Variants in RRAS2 observed in about 807,000 individuals in gnomAD.
RRAS2 encodes the protein RAS related 2, also known as ras-related protein R-Ras2.
RRAS2 carries 7 observed loss-of-function variants against 27.6 expected under a neutral mutation model. The ratio of observed to expected loss-of-function variants is 0.25; its 90% CI spans 0.14 to 0.48. The LOEUF (loss-of-function observed/expected upper bound fraction) is 0.48, where lower values mean the gene tolerates loss of function less well. Among genes scored for constraint, RRAS2 ranks in the 20% least tolerant of loss-of-function variants. RRAS2 has a pLI of 0.99. For synonymous variants in RRAS2, 86 were observed against 90.9 expected (o/e 0.95, Z 0.31); for missense variants, 178 against 256.2 (o/e 0.69, Z 2.08).
At chr11:14,317,889 C>T (rs1258736046) in intron 1 of RRAS2, among the ~76,000 whole-genome samples, 1 of 152,160 alleles carries the variant, frequency 6.6e-6, no homozygotes, top group Non-Finnish European at 1.5e-5. Context: ...TACGATTGCA[C>T]CACTGCCCTC....
At chr11:14,354,599 A>G (rs1465428401) in intron 1 of RRAS2, 2 of 152,144 alleles carry the variant, frequency 1.3e-5, no homozygotes, top group Non-Finnish European at 2.9e-5. Flanking sequence ...AAAATGAAAA[A>G]ATTACAAATT....
At chr11:14,338,927 C>T (rs1354577406) in intron 1 of RRAS2, among the ~76,000 whole-genome samples, 3 of 151,974 alleles carry the variant, frequency 2.0e-5, no homozygotes, top group East Asian at 1.9e-4. Flanking sequence ...ACTTATGTGA[C>T]GCCATCTGTT....
intron 1 of RRAS2, among the ~76,000 whole-genome samples, chr11:14,316,654 G>A (rs1298838973): frequency 1.3e-5 from 2 of 152,160 alleles, no homozygotes; most frequent in Non-Finnish European, 2.9e-5. Context: ...GAAGCAGGAG[G>A]ATTGCTTAAG....
chr11:14,296,830 G>C (rs970544607), intron 1 of RRAS2, among the ~76,000 whole-genome samples: 6 of 152,102 alleles, frequency 3.9e-5, no homozygotes, highest in Middle Eastern at 3.4e-3. Flanking sequence ...TAAAAAAAAG[G>C]GGGGGGACAG....
chr11:14,304,154 G>A (rs1362632510), intron 1 of RRAS2, among the ~76,000 whole-genome samples: 1 of 152,114 alleles, frequency 6.6e-6, no homozygotes, highest in Non-Finnish European at 1.5e-5. Flanking sequence ...CCATAGATTT[G>A]TATACTAAAC....
At chr11:14,293,135 ATATATATATATATATATATATATAT>A (rs1162934958) in intron 4 of RRAS2, among the ~76,000 whole-genome samples, 1 of 88,956 alleles carries the variant, frequency 1.1e-5, no homozygotes, top group Non-Finnish European at 2.5e-5. Flanking sequence ...ATATATATAT[ATATATATATATATATATATATATAT>A]ATCATTTTCT....
rs1156654694 is a variant in RRAS2 at position 14,319,345 on chromosome 11, C to CTTTTTTT, written c.109-23497_109-23491dup. On this transcript the variant is annotated intron_variant, in intron 1 of 5. Transcript: ENST00000256196. ...TATTAACTATTCAGGTTCCCTCTGTCTTTTTTTTTTTTTTTTTTTTTTTTG... is the reference window on the plus strand; with the variant it reads ...TATTAACTATTCAGGTTCCCTCTGTCTTTTTTTTTTTTTTTTTTTTTTTTTTTTTTTG... 3.1e-3 allele frequency among the ~76,000 whole-genome samples: 283 copies of CTTTTTTT among 91,530 alleles called. 3 individuals are homozygous for CTTTTTTT. Among genetic ancestry groups the CTTTTTTT allele is most frequent in the South Asian group, 3.8e-3 (9 of 2,342 alleles). 60.0% of individuals were successfully genotyped at this position (91,530 alleles called of 152,430 possible).
At chr11:14,338,738 G>A (rs1039576922) in intron 1 of RRAS2, among the ~76,000 whole-genome samples, 2 of 151,966 alleles carry the variant, frequency 1.3e-5, no homozygotes, top group Non-Finnish European at 2.9e-5. Flanking sequence ...ATTAAAAAGG[G>A]GTTTTGGGGA....
At chr11:14,284,871 T>C (rs1849620768) in intron 4 of RRAS2, among the ~76,000 whole-genome samples, 2 of 152,212 alleles carry the variant, frequency 1.3e-5, no homozygotes, top group South Asian at 2.1e-4. Flanking sequence ...ATAAATATCT[T>C]ACTCCATCCT....
intron 4 of RRAS2, among the ~76,000 whole-genome samples, chr11:14,294,180 T>C (rs1554946221): frequency 6.6e-6 from 1 of 152,220 alleles, no homozygotes. Flanking sequence ...AAGAAATTAT[T>C]ACATGCGAAT....
intron 1 of RRAS2, among the ~76,000 whole-genome samples, chr11:14,296,644 T>A (rs1847559478): frequency 6.6e-6 from 1 of 152,208 alleles, no homozygotes; most frequent in Non-Finnish European, 1.5e-5. Context: ...TCTCACACTT[T>A]GTCTTATTCC....
chr11:14,295,924 A>G, intron 1 of RRAS2, 69 bp from the exon 2 acceptor site: 1 of 1,437,430 alleles, frequency 7.0e-7, no homozygotes, highest in Non-Finnish European at 9.6e-7. Context: ...CTGTAATCCT[A>G]TGCTCTGGGA....
chr11:14,306,212 G>A (rs1358979977), intron 1 of RRAS2, among the ~76,000 whole-genome samples: 5 of 152,002 alleles, frequency 3.3e-5, no homozygotes, highest in Admixed American at 3.3e-4. Flanking sequence ...TTGCAGAAAT[G>A]GCTACTCAAA....
intron 1 of RRAS2, among the ~76,000 whole-genome samples, chr11:14,354,672 C>CTTTTTTT (rs35556947): frequency 1.8e-5 from 2 of 110,434 alleles, no homozygotes; most frequent in Non-Finnish European, 3.4e-5. Context: ...GTAACAATTT[C>CTTTTTTT]TTTTTTTTTT....
intron 1 of RRAS2, among the ~76,000 whole-genome samples, chr11:14,330,805 T>C (rs1591477551): frequency 6.6e-6 from 1 of 152,306 alleles, no homozygotes; most frequent in South Asian, 2.1e-4. Flanking sequence ...TATTTACACA[T>C]AAAGCTTACA....
At chr11:14,319,811 G>A (rs1367733511) in intron 1 of RRAS2, among the ~76,000 whole-genome samples, 1 of 152,184 alleles carries the variant, frequency 6.6e-6, no homozygotes, top group African/African-American at 2.4e-5. Context: ...TTGGTGAAGA[G>A]AAGTAAGTAT....
chr11:14,358,356 C>A lies in RRAS2; in HGVS notation c.108+407G>T. ...CGCTATCGCCCCGACGGTGAAGGCGCGGCCGCAGGCGGCTGGAAAAGCAGC... is the reference window on the plus strand; with the variant it reads ...CGCTATCGCCCCGACGGTGAAGGCGAGGCCGCAGGCGGCTGGAAAAGCAGC... On this transcript the variant is annotated intron_variant, in intron 1 of 5. Transcript: ENST00000256196. The surrounding 1 kb of genome is among the most constrained non-coding windows in gnomAD (Gnocchi z 5.1). 6.1e-6 allele frequency: 6 copies of A among 985,522 alleles called. No homozygotes were observed. The highest frequency in any genetic ancestry group is 7.2e-6 in the Non-Finnish European group (6 of 830,006). The allele number at this position is 985,522 out of a possible 1,614,324, so 61.0% of individuals were successfully genotyped here. A position where few individuals can be genotyped will look rare whatever the true frequency, so the allele number is the denominator to read the frequency against.
At position 14,294,654 on chromosome 11, in the gene RRAS2, T is replaced by G. The variant is rs1306580717; in HGVS notation, c.300-75A>C. 3 of 1,451,980 alleles carry G rather than the reference T, an allele frequency of 2.1e-6. No individual in the cohort carries two copies. In the East Asian group the frequency reaches 6.8e-5, roughly 33 times the overall value. 89.9% of individuals were successfully genotyped at this position (1,451,980 alleles called of 1,614,324 possible). On this transcript the variant is annotated intron_variant, in intron 3 of 5. Transcript: ENST00000256196. ...GAATTCAGCAAGTCTCATGCCCCAATTAGTACTTTATTTTTCCTTTTTCTA... is the reference window on the plus strand; with the variant it reads ...GAATTCAGCAAGTCTCATGCCCCAAGTAGTACTTTATTTTTCCTTTTTCTA...
At chr11:14,309,492 T>C (rs535127584) in intron 1 of RRAS2, among the ~76,000 whole-genome samples, 3 of 152,252 alleles carry the variant, frequency 2.0e-5, no homozygotes, top group East Asian at 1.9e-4. Context: ...TCAGAGGTGA[T>C]AGGAACTCTG....
Sources: gnomAD v4.1 joint callset for allele counts (sites outside exome capture counted in the v4.1 genomes callset) on GRCh38, gnomAD v4.1.1 for gene constraint, Gnocchi (gnomAD v3.1) non-coding constraint, MANE v1.5 for transcripts, NCBI Gene and HGNC (gene_info 2026-07-23, HGNC 2026-07-21) for gene names.